Variants in APBA2 observed in about 807,000 individuals in gnomAD.
APBA2 encodes the protein amyloid-beta A4 precursor protein-binding family A member 2.
In APBA2, 30 loss-of-function variants were observed where a neutral mutation model predicts 75.0. That is an observed-to-expected ratio of 0.40 (90% CI 0.30 to 0.54). The LOEUF (loss-of-function observed/expected upper bound fraction) is 0.54, where lower values mean the gene tolerates loss of function less well. APBA2 is among the 20% of genes least tolerant of loss of function. APBA2 has a pLI of 0.49. For synonymous variants in APBA2, 444 were observed against 409.6 expected, an observed-to-expected ratio of 1.08 and a Z score of -1.01; for missense variants, 801 against 1,016.1, an observed-to-expected ratio of 0.79 and a Z score of 2.88.
At chr15:28,959,288 T>C (rs780508894) in intron 2 of APBA2, among the ~76,000 whole-genome samples, 10 of 152,206 alleles carry the variant, frequency 6.6e-5, no homozygotes, top group African/African-American at 9.7e-5. Context: ...CATTCAAATA[T>C]ATGTAAAAAC....
intron 2 of APBA2, chr15:28,990,715 A>T (rs1258390803): frequency 6.6e-6 from 1 of 152,178 alleles, no homozygotes. Flanking sequence ...AGAGTCTCCC[A>T]ATTCAAATCT....
At chr15:28,941,158 G>A (rs1471984469) in intron 2 of APBA2, among the ~76,000 whole-genome samples, 2 of 152,168 alleles carry the variant, frequency 1.3e-5, no homozygotes, top group Non-Finnish European at 2.9e-5. Flanking sequence ...TCTTATGCAG[G>A]CCGCACTACT....
chr15:29,097,359 C>T (rs1054763009), intron 8 of APBA2, among the ~76,000 whole-genome samples: 7 of 152,238 alleles, frequency 4.6e-5, no homozygotes, highest in African/African-American at 7.2e-5. Context: ...GTCAAGCTCC[C>T]GGGGGCTGGC....
chr15:29,011,054 G>A (rs112286797), intron 3 of APBA2, among the ~76,000 whole-genome samples: 5,456 of 152,120 alleles, frequency 0.036, 331 homozygotes, highest in African/African-American at 0.13. Context: ...TCTACTTTCC[G>A]ACTACTCTAG....
At chr15:29,007,216 C>T (rs944427467) in intron 3 of APBA2, among the ~76,000 whole-genome samples, 2 of 152,226 alleles carry the variant, frequency 1.3e-5, no homozygotes, top group African/African-American at 2.4e-5. Flanking sequence ...AAAAACAACA[C>T]AAGAGAATAC....
At chr15:28,919,173 A>G (rs1001389983) in intron 1 of APBA2, among the ~76,000 whole-genome samples, 1 of 152,084 alleles carries the variant, frequency 6.6e-6, no homozygotes, top group African/African-American at 2.4e-5. Context: ...TGTGGGGATT[A>G]TCTGAGAGTT....
chr15:29,032,379 C>T (rs2040532351), intron 3 of APBA2, among the ~76,000 whole-genome samples: 1 of 152,190 alleles, frequency 6.6e-6, no homozygotes, highest in Admixed American at 6.5e-5. Context: ...TGAGGTTCCC[C>T]GAAGGGGAAG....
intron 2 of APBA2, among the ~76,000 whole-genome samples, chr15:28,978,662 G>A (rs2037465345): frequency 6.6e-6 from 1 of 152,206 alleles, no homozygotes; most frequent in Non-Finnish European, 1.5e-5. Context: ...TCACCCATGA[G>A]GATTTTTGTT....
intron 2 of APBA2, among the ~76,000 whole-genome samples, chr15:28,945,190 C>T (rs896955755): frequency 1.7e-4 from 26 of 152,110 alleles, no homozygotes; most frequent in African/African-American, 6.3e-4. Flanking sequence ...GGCGCGGGGA[C>T]GACCAGAGGG....
At chr15:29,073,316 C>T (rs2152922961) in intron 4 of APBA2, among the ~76,000 whole-genome samples, 1 of 152,296 alleles carries the variant, frequency 6.6e-6, no homozygotes, top group Middle Eastern at 3.4e-3. Context: ...ACACAAGAGG[C>T]TTTTGTAAAC....
At chr15:28,890,491 C>CCCAG in intron 1 of APBA2, among the ~76,000 whole-genome samples, 1 of 152,150 alleles carries the variant, frequency 6.6e-6, no homozygotes, top group South Asian at 2.1e-4. Flanking sequence ...CAGACTCTGT[C>CCCAG]CCAGGGCTCC....
intron 8 of APBA2, 152 bp from the exon 9 acceptor site, chr15:29,098,338 A>G: frequency 1.4e-6 from 1 of 696,722 alleles, no homozygotes; most frequent in Non-Finnish European, 2.6e-6. Context: ...GACGAGAGCC[A>G]TTCTGACAGA....
intron 3 of APBA2, among the ~76,000 whole-genome samples, chr15:29,052,084 T>A (rs981149887): frequency 2.6e-5 from 4 of 152,132 alleles, no homozygotes; most frequent in African/African-American, 9.7e-5. Context: ...TGAACTATCA[T>A]GCAAGCAAAA....
chr15:28,976,456 T>G (rs938365579), intron 2 of APBA2, among the ~76,000 whole-genome samples: 1 of 152,232 alleles, frequency 6.6e-6, no homozygotes. Context: ...GTGTGGAGTT[T>G]GCTGTGGACT....
Position 29,094,329 on chromosome 15 carries a change from A to C in APBA2, c.1251+16A>C. On this transcript the variant is annotated intron_variant, in intron 8 of 14. Transcript: ENST00000683413. Reference sequence around the variant, plus strand: ...GAAAAAAGCGGTGTGTAGGGCCTTGAGGCCCTGGGACAGTGTTGTTTGCTT... The same window carrying C: ...GAAAAAAGCGGTGTGTAGGGCCTTGCGGCCCTGGGACAGTGTTGTTTGCTT... The C allele has an allele frequency of 6.2e-7, 1 of 1,613,236 alleles. No homozygotes were observed. The highest frequency in any genetic ancestry group is 8.5e-7 in the Non-Finnish European group (1 of 1,179,416).
chr15:28,927,972 C>G (rs748207911), intron 2 of APBA2, among the ~76,000 whole-genome samples: 2 of 150,842 alleles, frequency 1.3e-5, no homozygotes, highest in Non-Finnish European at 1.5e-5. Flanking sequence ...GGAGAAACCC[C>G]TGTCTCTATT....
At chr15:28,975,252 G>A (rs1196482019) in intron 2 of APBA2, among the ~76,000 whole-genome samples, 1 of 152,006 alleles carries the variant, frequency 6.6e-6, no homozygotes, top group Non-Finnish European at 1.5e-5. Flanking sequence ...TATTTTCACA[G>A]GAGAATTCTA....
intron 13 of APBA2, among the ~76,000 whole-genome samples, chr15:29,112,453 T>C (rs935741165): frequency 1.6e-4 from 25 of 152,196 alleles, no homozygotes; most frequent in African/African-American, 6.0e-4. Context: ...TGTGTCTGCA[T>C]GTGTGTGTAC....
intron 3 of APBA2, among the ~76,000 whole-genome samples, chr15:29,013,040 T>TA (rs1178847351): frequency 6.6e-6 from 1 of 152,150 alleles, no homozygotes; most frequent in East Asian, 1.9e-4. Flanking sequence ...AGAGATCATT[T>TA]AAAAAAATTT....
Sources: allele counts gnomAD v4.1 joint callset (sites outside exome capture counted in the v4.1 genomes callset), GRCh38; gene constraint gnomAD v4.1.1; transcripts MANE v1.5; gene names NCBI Gene and HGNC (gene_info 2026-07-23, HGNC 2026-07-21).